DLG2: variants seen among roughly 807,000 people sequenced by gnomAD.
The protein encoded by DLG2 is discs large MAGUK scaffold protein 2.
DLG2 carries 45 observed loss-of-function variants against 132.5 expected under a neutral mutation model. That is an observed-to-expected ratio of 0.34 (90% confidence interval 0.27 to 0.44). The LOEUF is 0.44. DLG2 is among the 20% of genes least tolerant of loss of function. The probability of loss-of-function intolerance (pLI) is 1.00; values close to 1 mark genes in which losing one functional copy is unlikely to be tolerated. For missense variants in DLG2, 1,045 were observed against 1,196.9 expected, an observed-to-expected ratio of 0.87 and a Z score of 1.87; for synonymous variants, 424 against 419.6, an observed-to-expected ratio of 1.01 and a Z score of -0.13.
intron 6 of DLG2, among the ~76,000 whole-genome samples, chr11:84,841,141 T>G (rs116428444): frequency 0.013 from 1,980 of 151,962 alleles, 40 homozygotes; most frequent in African/African-American, 0.046. Context: ...TATGTAAAGC[T>G]TTAAAATCCG....
chr11:83,738,975 GT>G (rs5793086), intron 18 of DLG2, among the ~76,000 whole-genome samples: 15,208 of 152,174 alleles, frequency 0.1, 1,152 homozygotes, highest in African/African-American at 0.2. Flanking sequence ...GCAGAGCTCA[GT>G]TAAGTGTGCA....
At chr11:83,791,515 T>C in intron 17 of DLG2, 1 of 620,938 alleles carries the variant, frequency 1.6e-6, no homozygotes, top group Admixed American at 2.4e-5. Context: ...ATGAAATCAG[T>C]TTATTTTTTA....
At chr11:84,597,365 CTAT>C (rs896318577) in intron 6 of DLG2, among the ~76,000 whole-genome samples, 2 of 152,168 alleles carry the variant, frequency 1.3e-5, no homozygotes, top group Admixed American at 1.3e-4. Context: ...CTTATGACCA[CTAT>C]TATTATTAGA....
intron 7 of DLG2, among the ~76,000 whole-genome samples, chr11:84,388,732 T>C (rs1039065096): frequency 2.0e-5 from 3 of 151,490 alleles, no homozygotes; most frequent in African/African-American, 7.3e-5. Context: ...AAGAAGAGAA[T>C]AAAGAAGAAA....
chr11:85,594,766 A>C (rs928853447), intron 3 of DLG2, among the ~76,000 whole-genome samples: 1 of 152,162 alleles, frequency 6.6e-6, no homozygotes, highest in African/African-American at 2.4e-5. Flanking sequence ...GTACAAAAAT[A>C]ATTTTTAAAA....
At chr11:84,053,968 A>G (rs563684236) in intron 11 of DLG2, among the ~76,000 whole-genome samples, 2 of 149,504 alleles carry the variant, frequency 1.3e-5, no homozygotes, top group African/African-American at 5.0e-5. Context: ...ATTTTAAAAA[A>G]TAATGGAGGA....
At chr11:84,856,917 A>C (rs1378329471) in intron 6 of DLG2, among the ~76,000 whole-genome samples, 1 of 152,020 alleles carries the variant, frequency 6.6e-6, no homozygotes, top group African/African-American at 2.4e-5. Flanking sequence ...TAATATGAAG[A>C]AGTTATTGAG....
intron 6 of DLG2, among the ~76,000 whole-genome samples, chr11:84,928,982 G>GTATATATATATATATA (rs58945482): frequency 3.3e-4 from 16 of 49,108 alleles, no homozygotes; most frequent in South Asian, 8.5e-4. Context: ...GTGTGTGTGT[G>GTATATATATATATATA]TATATATATA....
chr11:83,903,108 A>G (rs1596194007), intron 15 of DLG2, among the ~76,000 whole-genome samples: 1 of 152,170 alleles, frequency 6.6e-6, no homozygotes, highest in African/African-American at 2.4e-5. Flanking sequence ...GAAGATGCTC[A>G]ATAACAGGTA....
chr11:84,722,752 AG>A (rs1212329158), intron 6 of DLG2, among the ~76,000 whole-genome samples: 1 of 152,170 alleles, frequency 6.6e-6, no homozygotes, highest in Non-Finnish European at 1.5e-5. Context: ...AGACCCTCAG[AG>A]TTGAGTTACA....
At chr11:84,718,953 G>A (rs1005954223) in intron 6 of DLG2, among the ~76,000 whole-genome samples, 1 of 152,076 alleles carries the variant, frequency 6.6e-6, no homozygotes, top group African/African-American at 2.4e-5. Flanking sequence ...CTATCATATT[G>A]AGTAGAAAAA....
At chr11:83,832,741 C>T (rs2054923967) in intron 17 of DLG2, among the ~76,000 whole-genome samples, 1 of 151,832 alleles carries the variant, frequency 6.6e-6, no homozygotes, top group Admixed American at 6.6e-5. Context: ...TGTGTACCGC[C>T]AAATCTAAAA....
At position 83,963,010 on chromosome 11, in the gene DLG2, T is replaced by G. The variant is rs775075942; in HGVS notation, c.1215A>C (p.Pro405=). The change falls in exon 14 of 28, where the codon CCA becomes CCC. Residue 405 remains proline, a synonymous_variant. Transcript: ENST00000376104. The part of the protein sequence containing the change: ...PPDITHSYSP[P]MENHLLSGNN... ...TGCCAGAGAGTAGATGGTTTTCCAT[T>G]GGTGGAGAATAAGCTAAGAGGTGGG... 6.2e-7 allele frequency: 1 copy of G among 1,612,750 alleles called. No individual in the cohort carries two copies. Among genetic ancestry groups the G allele is most frequent in the Admixed American group, 1.7e-5 (1 of 59,962 alleles).
chr11:84,873,914 C>T (rs780221162), intron 6 of DLG2, among the ~76,000 whole-genome samples: 2 of 152,140 alleles, frequency 1.3e-5, no homozygotes, highest in South Asian at 2.1e-4. Flanking sequence ...AGATATGGAG[C>T]GGAATCATTT....
chr11:85,477,919 TA>T (rs2093189603), intron 3 of DLG2, among the ~76,000 whole-genome samples: 2 of 152,218 alleles, frequency 1.3e-5, no homozygotes, highest in African/African-American at 4.8e-5. Context: ...ACAAGGTTCT[TA>T]GCACACATTA....
At chr11:84,353,257 G>T (rs1559854) in intron 7 of DLG2, among the ~76,000 whole-genome samples, 55,069 of 152,022 alleles carry the variant, frequency 0.36, 15,147 homozygotes, top group African/African-American at 0.77. Flanking sequence ...TTAGGATTTG[G>T]TTAGCAAGAC....
At position 85,289,557 on chromosome 11, in the gene DLG2, G is replaced by T. The variant is rs560074082; in HGVS notation, c.41-4192C>A. ...TATCATCAAAAAGAAAATATGTTTG[G>T]AAAGTTGTAGGGGATTGTCTTCTTA... On this transcript the variant is annotated intron_variant, in intron 3 of 27. Transcript: ENST00000376104. 2.6e-5 allele frequency among the ~76,000 whole-genome samples: 4 copies of T among 152,284 alleles called. No individual in the cohort carries two copies. The South Asian group carries it at 8.3e-4, about 32-fold the overall frequency.
intron 18 of DLG2, among the ~76,000 whole-genome samples, chr11:83,756,140 A>G (rs2093635166): frequency 6.6e-6 from 1 of 151,300 alleles, no homozygotes; most frequent in African/African-American, 2.5e-5. Flanking sequence ...CACCCTCAGT[A>G]TTAGAATCTT....
At chr11:84,845,409 A>C (rs1242660266) in intron 6 of DLG2, among the ~76,000 whole-genome samples, 8 of 152,146 alleles carry the variant, frequency 5.3e-5, no homozygotes, top group Non-Finnish European at 8.8e-5. Flanking sequence ...CCTGGCACTT[A>C]GATTCTAACA....
Sources: gnomAD v4.1 joint callset for allele counts (sites outside exome capture counted in the v4.1 genomes callset) on GRCh38, gnomAD v4.1.1 for gene constraint, MANE v1.5 for transcripts, NCBI Gene and HGNC (gene_info 2026-07-23, HGNC 2026-07-21) for gene names.